Variants in PDE5A observed in about 807,000 individuals in gnomAD.
PDE5A encodes the protein cGMP-specific 3',5'-cyclic phosphodiesterase.
Under a neutral mutation model 110.2 loss-of-function variants are expected in PDE5A, and 67 were observed. That is an observed-to-expected ratio of 0.61 (90% confidence interval 0.50 to 0.75). The LOEUF (loss-of-function observed/expected upper bound fraction) is 0.75. PDE5A is among the 30% of genes least tolerant of loss of function. PDE5A has a pLI of 0.00. For missense variants in PDE5A, 862 were observed against 1,045.1 expected (o/e 0.82, Z 2.42); for synonymous variants, 328 against 351.2 (o/e 0.93, Z 0.74).
Position 119,512,654 on chromosome 4 carries a change from G to C in PDE5A, c.2001-1520C>G, listed in dbSNP as rs145898633. Among the ~76,000 whole-genome samples, 598 of 152,092 alleles carry C rather than the reference G, an allele frequency of 3.9e-3. 4 individuals are homozygous for C. Among genetic ancestry groups the C allele is most frequent in the African/African-American group, 0.014 (584 of 41,494 alleles). On this transcript the variant is annotated intron_variant, in intron 14 of 20. Transcript: ENST00000354960. ...ACTAGGAGTGGGATGAGGGAGATAAGGGGATGAGGGAGATAAAGGGAAAAA... is the reference window on the plus strand; with the variant it reads ...ACTAGGAGTGGGATGAGGGAGATAACGGGATGAGGGAGATAAAGGGAAAAA...
chr4:119,565,247 A>C (rs55825515), intron 5 of PDE5A, 74 bp downstream of exon 5: 22 of 975,718 alleles, frequency 2.3e-5, no homozygotes, highest in Non-Finnish European at 3.4e-5. Flanking sequence ...AATCATCTGC[A>C]TACATTACTT....
chr4:119,607,430 T>C, intron 1 of PDE5A, 133 bp from the exon 2 acceptor site: 3 of 651,156 alleles, frequency 4.6e-6, no homozygotes, highest in Non-Finnish European at 7.8e-6. Flanking sequence ...AAAAACAAGA[T>C]GGTTTACTTA....
At chr4:119,507,235 G>A (rs972679770) in intron 16 of PDE5A, among the ~76,000 whole-genome samples, 1 of 151,788 alleles carries the variant, frequency 6.6e-6, no homozygotes, top group Non-Finnish European at 1.5e-5. Context: ...CTTGAATGAC[G>A]GTATAAAGGA....
intron 3 of PDE5A, among the ~76,000 whole-genome samples, chr4:119,575,718 G>T (rs1728311674): frequency 6.6e-6 from 1 of 152,178 alleles, no homozygotes; most frequent in African/African-American, 2.4e-5. Context: ...ACCGGTACCA[G>T]CCACTGCAAA....
intron 3 of PDE5A, among the ~76,000 whole-genome samples, chr4:119,573,976 C>T (rs1402561832): frequency 1.3e-5 from 2 of 152,058 alleles, no homozygotes; most frequent in Non-Finnish European, 2.9e-5. Context: ...CACTTTGTAA[C>T]TGTTCATTCA....
intron 9 of PDE5A, among the ~76,000 whole-genome samples, chr4:119,544,655 T>C (rs1288505788): frequency 2.6e-5 from 4 of 152,192 alleles, no homozygotes; most frequent in African/African-American, 7.2e-5. Context: ...GCCTTTTTCA[T>C]AAACAAGATT....
At chr4:119,548,388 A>G (rs1243039890) in intron 9 of PDE5A, 7 of 152,200 alleles carry the variant, frequency 4.6e-5, no homozygotes, top group African/African-American at 1.7e-4. Context: ...TTGTATGTCA[A>G]TGATGCTATT....
rs547301271 is a variant in PDE5A at position 119,603,587 on chromosome 4, G to A, written c.741+3122C>T. 4.0e-5 allele frequency among the ~76,000 whole-genome samples: 6 copies of A among 149,088 alleles called. No homozygotes were observed. The South Asian group carries it at 6.6e-4, about 16-fold the overall frequency. On this transcript the variant is annotated intron_variant, in intron 2 of 20. Coordinates refer to ENST00000354960, the MANE Select transcript of PDE5A (RefSeq NM_001083.4). ...ATCCTGTCTTGTATTTTGAATATAC[G>A]AATATGTTTTCTTATCAGTAATAAA...
Position 119,625,357 on chromosome 4 carries a change from T to C in PDE5A, c.152+3163A>G, listed in dbSNP as rs115558508. Among the ~76,000 whole-genome samples, 1,140 of 152,250 alleles carry C rather than the reference T, an allele frequency of 7.5e-3. 18 individuals carry two copies. The highest frequency in any genetic ancestry group is 0.026 in the African/African-American group (1,079 of 41,532). On this transcript the variant is annotated intron_variant, in intron 1 of 20. Transcript: ENST00000354960. ...ACTTGAAGACAGTGATAGTAAACAATGTAATATAATGGCATAAATGCTTTC... is the reference window on the plus strand; with the variant it reads ...ACTTGAAGACAGTGATAGTAAACAACGTAATATAATGGCATAAATGCTTTC...
intron 3 of PDE5A, among the ~76,000 whole-genome samples, chr4:119,584,381 T>A (rs1728686948): frequency 6.6e-6 from 1 of 152,200 alleles, no homozygotes; most frequent in Non-Finnish European, 1.5e-5. Flanking sequence ...TCTCCCCCTT[T>A]ATAACCTACC....
intron 3 of PDE5A, among the ~76,000 whole-genome samples, chr4:119,593,670 G>C (rs1309412931): frequency 6.6e-6 from 1 of 152,194 alleles, no homozygotes; most frequent in African/African-American, 2.4e-5. Context: ...GTGGTTACAT[G>C]ATCGAATATA....
intron 7 of PDE5A, among the ~76,000 whole-genome samples, chr4:119,558,964 G>A (rs1481043755): frequency 1.4e-5 from 2 of 147,574 alleles, no homozygotes; most frequent in Non-Finnish European, 3.0e-5. Flanking sequence ...GTTAACATAA[G>A]CTATTACTGT....
chr4:119,506,577 G>A (rs3775842), intron 16 of PDE5A, among the ~76,000 whole-genome samples: 79,201 of 151,336 alleles, frequency 0.52, 21,053 homozygotes, highest in African/African-American at 0.61. Flanking sequence ...ATAGTATATG[G>A]TTATAAAAAA....
chr4:119,503,921 A>G (rs28736368), intron 18 of PDE5A, among the ~76,000 whole-genome samples: 1,937 of 151,548 alleles, frequency 0.013, 42 homozygotes, highest in African/African-American at 0.044. Context: ...TTCAGAAGCT[A>G]CCTTTAAGAG....
intron 13 of PDE5A, 192 bp from the exon 14 acceptor site, chr4:119,519,331 T>C: frequency 2.0e-6 from 1 of 500,442 alleles, no homozygotes; most frequent in Non-Finnish European, 3.6e-6. Flanking sequence ...CAGAATGGGA[T>C]CACCACAAAT....
chr4:119,571,190 C>G (rs762629609), intron 3 of PDE5A, among the ~76,000 whole-genome samples: 9 of 152,162 alleles, frequency 5.9e-5, no homozygotes, highest in Non-Finnish European at 1.3e-4. Flanking sequence ...CTTCTGAATC[C>G]TAAGGAATCA....
intron 3 of PDE5A, among the ~76,000 whole-genome samples, chr4:119,574,493 C>G (rs912722437): frequency 6.6e-6 from 1 of 151,966 alleles, no homozygotes; most frequent in Non-Finnish European, 1.5e-5. Context: ...AATATAGGCT[C>G]TTATGGACTC....
intron 1 of PDE5A, among the ~76,000 whole-genome samples, chr4:119,621,244 T>C (rs989227919): frequency 3.3e-5 from 5 of 152,338 alleles, no homozygotes; most frequent in African/African-American, 1.2e-4. Context: ...CACATCACTT[T>C]CTTTTGGGAA....
At chr4:119,566,288 T>A (rs1410861789) in intron 4 of PDE5A, among the ~76,000 whole-genome samples, 1 of 152,114 alleles carries the variant, frequency 6.6e-6, no homozygotes, top group Non-Finnish European at 1.5e-5. Flanking sequence ...GAGATAAAAA[T>A]AACTGTCTTG....
Sources: gnomAD v4.1 joint callset for allele counts (sites outside exome capture counted in the v4.1 genomes callset) on GRCh38, gnomAD v4.1.1 for gene constraint, MANE v1.5 for transcripts, NCBI Gene and HGNC (gene_info 2026-07-23, HGNC 2026-07-21) for gene names.